The following SDHA variants were observed in gnomAD, a reference collection of about 807,000 sequenced individuals.
The protein encoded by SDHA is succinate dehydrogenase [ubiquinone] flavoprotein subunit, mitochondrial.
A neutral mutation model predicts 78.4 loss-of-function variants in SDHA; 48 were observed. The ratio of observed to expected loss-of-function variants is 0.61; its 90% CI spans 0.49 to 0.78. The LOEUF (loss-of-function observed/expected upper bound fraction) is 0.78, where lower values mean the gene tolerates loss of function less well. Among genes scored for constraint, SDHA ranks in the 30% least tolerant of loss-of-function variants. The probability of loss-of-function intolerance (pLI) is 0.00; values close to 1 mark genes in which losing one functional copy is unlikely to be tolerated. For missense variants in SDHA, 680 were observed against 892.7 expected (o/e 0.76, Z 3.04); for synonymous variants, 326 against 353.9 (o/e 0.92, Z 0.88).
intron 3 of SDHA, chr5:224,896 C>T: frequency 2.8e-6 from 1 of 359,954 alleles, no homozygotes; most frequent in Non-Finnish European, 5.3e-6. Context: ...CCCTGTGCTT[C>T]TGTCTTCTGG....
chr5:233,187 A>G (rs1297116553), intron 7 of SDHA, among the ~76,000 whole-genome samples: 3 of 152,210 alleles, frequency 2.0e-5, no homozygotes, highest in Non-Finnish European at 2.9e-5. Flanking sequence ...GAGGCATCCA[A>G]CGTACACTGG....
intron 10 of SDHA, among the ~76,000 whole-genome samples, chr5:238,449 T>G (rs1240356124): frequency 1.3e-5 from 2 of 149,902 alleles, no homozygotes; most frequent in Non-Finnish European, 3.0e-5. Context: ...ATATATGTAT[T>G]TTTTTTTTTT....
In SDHA at chr5:224,440, A is replaced by G; in HGVS notation, c.231A>G (p.Ala77=). The change falls in exon 3 of 15, where the codon GCA becomes GCG. Residue 77 remains alanine (A), a synonymous_variant. Coordinates refer to ENST00000264932, the MANE Select transcript of SDHA (RefSeq NM_004168.4). ...VGAGGAGLRA[A]FGLSEAGFNT... ...CTGGAGGGGCAGGCTTGCGAGCTGC[A>G]TTTGGCCTTTCTGAGGCAGGGTTTA... The G allele has an allele frequency of 6.2e-7, 1 of 1,613,688 alleles. No individual in the cohort carries two copies. The highest frequency in any genetic ancestry group is 8.5e-7 in the Non-Finnish European group (1 of 1,179,856).
rs150779814 is a variant in SDHA at position 238,110 on chromosome 5, G to A, written c.1432+1511G>A. Among the ~76,000 whole-genome samples the A allele has an allele frequency of 7.4e-4, 112 of 150,794 alleles. 2 individuals carry two copies. In the East Asian group the frequency reaches 0.011, roughly 15 times the overall value. ...ACTTTACATCTGAGAAACCGCCCAC[G>A]CATGCAGCATCTCACGCAGAATGCT... On this transcript the variant is annotated intron_variant, in intron 10 of 14. Transcript: ENST00000264932.
rs1735794275 is a variant in SDHA, at chr5:236,522, T to C, written c.1355T>C (p.Leu452Pro). 1.2e-6 allele frequency: 2 copies of C among 1,614,042 alleles called. No homozygotes were observed. Among genetic ancestry groups the C allele is most frequent in the Non-Finnish European group, 1.7e-6 (2 of 1,179,882 alleles). ...GCCTCGGTACATGGTGCCAACCGCC[T>C]CGGGGCAAACTCGCTCTTGGACCTG... Reference protein sequence around the residue: ...ACASVHGANRLGANSLLDLVV... With the variant: ...ACASVHGANRPGANSLLDLVV... The change falls in exon 10 of 15, where the codon CTC (leucine) becomes CCC (proline). Residue 452 changes from leucine (L) to proline (P), a missense_variant. By Grantham distance (98) the Leu-to-Pro change is moderately conservative. Transcript: ENST00000264932.
rs149367009 is a variant in SDHA at position 251,037 on chromosome 5, C to G, written c.1597C>G (p.Gln533Glu). 3.7e-5 allele frequency: 60 copies of G among 1,611,862 alleles called. No homozygotes were observed. The highest frequency in any genetic ancestry group is 1.6e-4 in the African/African-American group (12 of 74,844). Residue 533 changes from glutamine (Q) to glutamate (E), a missense_variant, in exon 12 of 15, where the codon CAA (glutamine) becomes GAA (glutamate). Coordinates refer to ENST00000264932, the MANE Select transcript of SDHA (RefSeq NM_004168.4). Reference protein sequence around the residue: ...AAVFRVGSVLQEGCGKISKLY... With the variant: ...AAVFRVGSVLEEGCGKISKLY... Reference sequence around the variant, plus strand: ...CGTGTTCCGTGTGGGAAGCGTGTTGCAAGAAGGTTGTGGGAAAATCAGCAA... The same window carrying G: ...CGTGTTCCGTGTGGGAAGCGTGTTGGAAGAAGGTTGTGGGAAAATCAGCAA...
rs572764742 is a variant in SDHA, at chr5:256,866, A to T, written c.*446A>T. On this transcript the variant is annotated 3_prime_UTR_variant, in exon 15 of 15. Transcript: ENST00000264932. ...GAGACAGGATCGGTGCAGTAGTACA[A>T]TCACAGCTCACTGCAGCCTCAAACT... 6.8e-6 allele frequency among the ~76,000 whole-genome samples: 1 copy of T among 147,830 alleles called. No individual in the cohort carries two copies. Among genetic ancestry groups the T allele is most frequent in the East Asian group, 1.9e-4 (1 of 5,156 alleles).
intron 6 of SDHA, 76 bp from the exon 7 acceptor site, chr5:230,796 GTGTC>G: frequency 6.3e-7 from 1 of 1,578,586 alleles, no homozygotes. Context: ...GGGGGCTGCC[GTGTC>G]CATTCTGTGA....
At chr5:251,666 G>A (rs1289996088) in intron 13 of SDHA, 198 bp downstream of exon 13, 3 of 1,517,170 alleles carry the variant, frequency 2.0e-6, no homozygotes, top group South Asian at 2.4e-5. Flanking sequence ...CCTTGCTTTG[G>A]GTCGGCATCC....
chr5:241,734 A>C (rs549114374), intron 11 of SDHA, among the ~76,000 whole-genome samples: 3 of 152,320 alleles, frequency 2.0e-5, no homozygotes, highest in South Asian at 4.1e-4. Context: ...TCTAACACCT[A>C]TGTGGTGTTA....
the SDHA span, among the ~76,000 whole-genome samples, chr5:268,190 T>C: frequency 1.1e-5 from 1 of 89,312 alleles, no homozygotes; most frequent in Non-Finnish European, 2.0e-5. Context: ...TTTTCTTTCT[T>C]TTTTTTTTTT....
chr5:231,912 T>C (rs2126572025), intron 7 of SDHA, among the ~76,000 whole-genome samples: 1 of 152,172 alleles, frequency 6.6e-6, no homozygotes, highest in East Asian at 1.9e-4. Flanking sequence ...GAGCTCGTCT[T>C]GGGGACGTCT....
At chr5:248,998 A>G in intron 11 of SDHA, 1 of 391,662 alleles carries the variant, frequency 2.6e-6, no homozygotes, top group South Asian at 1.9e-5. Context: ...AATTTGGGAA[A>G]GAATAAAAAA....
intron 11 of SDHA, among the ~76,000 whole-genome samples, chr5:245,258 C>T (rs193268769): frequency 1.3e-5 from 2 of 152,130 alleles, no homozygotes; most frequent in Non-Finnish European, 1.5e-5. Flanking sequence ...ATACAACCTA[C>T]GGGGACATTA....
chr5:230,185 C>T (rs1220699884), intron 6 of SDHA, among the ~76,000 whole-genome samples: 1 of 142,470 alleles, frequency 7.0e-6, no homozygotes, highest in Non-Finnish European at 1.5e-5. Flanking sequence ...TCACGCTGTA[C>T]ACCATAAATA....
At chr5:263,008 C>T in the SDHA span, among the ~76,000 whole-genome samples, 2,080 of 152,176 alleles carry the variant, frequency 0.014, 49 homozygotes, top group African/African-American at 0.047. Context: ...GCTGTGATCT[C>T]GGCTCACTGC....
chr5:231,784 C>T (rs573952903), intron 7 of SDHA, among the ~76,000 whole-genome samples: 24 of 152,184 alleles, frequency 1.6e-4, no homozygotes, highest in Admixed American at 1.2e-3. Flanking sequence ...TAGGAGAACA[C>T]GGAGCTTCTG....
chr5:265,552 T>G, the SDHA span, among the ~76,000 whole-genome samples: 1 of 152,212 alleles, frequency 6.6e-6, no homozygotes, highest in Non-Finnish European at 1.5e-5. Context: ...GAAACCTTGC[T>G]GATTAGGAAA....
At chr5:233,154 G>C (rs1447886689) in intron 7 of SDHA, among the ~76,000 whole-genome samples, 5 of 152,160 alleles carry the variant, frequency 3.3e-5, no homozygotes, top group Admixed American at 6.5e-5. Flanking sequence ...GCAAAAGAAT[G>C]TTCAAAAATT....
Sources: gnomAD v4.1 joint callset for allele counts (sites outside exome capture counted in the v4.1 genomes callset) on GRCh38, gnomAD v4.1.1 for gene constraint, MANE v1.5 for transcripts, NCBI Gene and HGNC (gene_info 2026-07-23, HGNC 2026-07-21) for gene names.